Variants in IGF2BP2 observed in about 807,000 individuals in gnomAD.
IGF2BP2 encodes insulin-like growth factor 2 mRNA-binding protein 2.
In IGF2BP2, 17 loss-of-function variants were observed where a neutral mutation model predicts 75.8. That is an observed-to-expected ratio of 0.22 (90% CI 0.15 to 0.34). The LOEUF (loss-of-function observed/expected upper bound fraction) is 0.34, where lower values mean the gene tolerates loss of function less well. Ranked by LOEUF, IGF2BP2 falls within the 10% of genes least tolerant of loss-of-function variation. IGF2BP2 has a pLI of 1.00. For synonymous variants in IGF2BP2, 288 were observed against 295.6 expected (o/e 0.97, Z 0.26); for missense variants, 516 against 772.4 (o/e 0.67, Z 3.93).
chr3:185,801,035 A>T (rs1738181739), intron 2 of IGF2BP2, among the ~76,000 whole-genome samples: 2 of 152,216 alleles, frequency 1.3e-5, no homozygotes, highest in Admixed American at 1.3e-4. Context: ...AACTCCATAA[A>T]AGAGTGGGTG....
intron 2 of IGF2BP2, among the ~76,000 whole-genome samples, chr3:185,719,820 C>T (rs553636283): frequency 2.3e-4 from 35 of 151,148 alleles, no homozygotes; most frequent in Middle Eastern, 3.4e-3. Context: ...GGTGACAGAG[C>T]GAGACTCTGT....
chr3:185,667,082 G>A (rs1282109852), intron 10 of IGF2BP2, among the ~76,000 whole-genome samples: 1 of 152,146 alleles, frequency 6.6e-6, no homozygotes, highest in Non-Finnish European at 1.5e-5. Context: ...AGGGAATAGA[G>A]GCCAGAAATT....
intron 2 of IGF2BP2, among the ~76,000 whole-genome samples, chr3:185,765,554 A>C (rs1732922658): frequency 6.6e-6 from 1 of 152,042 alleles, no homozygotes; most frequent in Admixed American, 6.6e-5. Flanking sequence ...CAGTGTACCT[A>C]CATCACACTC....
At chr3:185,674,254 T>C (rs981795547) in intron 9 of IGF2BP2, among the ~76,000 whole-genome samples, 3 of 152,150 alleles carry the variant, frequency 2.0e-5, no homozygotes, top group Non-Finnish European at 4.4e-5. Flanking sequence ...AAAGTGGATG[T>C]GGATGAGGGT....
intron 2 of IGF2BP2, among the ~76,000 whole-genome samples, chr3:185,775,999 T>C (rs2149779524): frequency 6.6e-6 from 1 of 152,324 alleles, no homozygotes; most frequent in Non-Finnish European, 1.5e-5. Flanking sequence ...ATCCCAGCAC[T>C]TTGGGTGGCC....
In IGF2BP2 at chr3:185,675,770, TA is replaced by T. The variant is rs770760470; in HGVS notation, c.935+20del. 6.2e-7 allele frequency: 1 copy of T among 1,610,836 alleles called. No individual in the cohort carries two copies. Among genetic ancestry groups the T allele is most frequent in the African/African-American group, 1.3e-5 (1 of 74,808 alleles). ...CAGGTGTTCCATTATTGGGCATGAG[TA>T]ATCTGAGTAAGTGGCTTACGATGAG... On this transcript the variant is annotated intron_variant, in intron 8 of 15. Coordinates refer to ENST00000382199, the MANE Select transcript of IGF2BP2 (RefSeq NM_006548.6).
intron 2 of IGF2BP2, among the ~76,000 whole-genome samples, chr3:185,778,879 T>C (rs1471621497): frequency 6.6e-6 from 1 of 152,168 alleles, no homozygotes; most frequent in Non-Finnish European, 1.5e-5. Flanking sequence ...CTCAAAACCT[T>C]ACATAACAGT....
chr3:185,696,348 G>A (rs1722576405), intron 4 of IGF2BP2: 1 of 422,056 alleles, frequency 2.4e-6, no homozygotes, highest in South Asian at 5.0e-5. Flanking sequence ...GTTTGTCAGT[G>A]CTTGAGCACA....
At chr3:185,658,250 C>T (rs772320677) in intron 11 of IGF2BP2, 91 bp downstream of exon 11, 3 of 1,209,090 alleles carry the variant, frequency 2.5e-6, no homozygotes, top group Non-Finnish European at 3.7e-6. Context: ...GAGACAAGAT[C>T]TGCATTGTGA....
At chr3:185,688,534 G>T (rs1344147428) in intron 6 of IGF2BP2, among the ~76,000 whole-genome samples, 3 of 152,092 alleles carry the variant, frequency 2.0e-5, no homozygotes. Context: ...GTAGAGACAG[G>T]GTTTCACCAT....
In IGF2BP2 at chr3:185,647,961, T is replaced by G. The variant is rs1185544795; in HGVS notation, c.1594-823A>C. ...AAACAGGACACCCAGGGGCTCAGGA[T>G]TCTACTCCCTGCTGATCCATCTGCT... On this transcript the variant is annotated intron_variant, in intron 14 of 15. Transcript: ENST00000382199. The surrounding 1 kb of genome is among the most constrained non-coding windows in gnomAD (Gnocchi z 4.9). 6.6e-6 allele frequency among the ~76,000 whole-genome samples: 1 copy of G among 152,222 alleles called. No homozygotes were observed.
At chr3:185,748,784 G>A (rs1371794606) in intron 2 of IGF2BP2, among the ~76,000 whole-genome samples, 1 of 152,142 alleles carries the variant, frequency 6.6e-6, no homozygotes, top group Non-Finnish European at 1.5e-5. Context: ...CAATGCCATT[G>A]ATAACCTCAG....
At chr3:185,715,364 G>A (rs919712073) in intron 2 of IGF2BP2, among the ~76,000 whole-genome samples, 2 of 152,138 alleles carry the variant, frequency 1.3e-5, no homozygotes, top group Admixed American at 6.5e-5. Context: ...GTTAAACCAC[G>A]AGGGTGATAA....
At position 185,645,701 on chromosome 3, in the gene IGF2BP2, GC is replaced by G; in HGVS notation, c.1708-79del. 6 of 1,041,556 alleles carry G rather than the reference GC, an allele frequency of 5.8e-6. No individual in the cohort carries two copies. The highest frequency in any genetic ancestry group is 3.6e-5 in the Admixed American group (2 of 56,300). 64.5% of individuals were successfully genotyped at this position (1,041,556 alleles called of 1,614,324 possible). A position where few individuals can be genotyped will look rare whatever the true frequency, so the allele number is the denominator to read the frequency against. The stretch of plus-strand genomic sequence containing the variant: ...GTTCTGAGGACAAACGGCAGGGGAG[GC>G]TCTGGGGCTTGGGGATGAAGGGTGG... On this transcript the variant is annotated intron_variant, in intron 15 of 15. Coordinates refer to ENST00000382199, the MANE Select transcript of IGF2BP2 (RefSeq NM_006548.6). This position sits in a 1 kb window ranked among gnomAD's most constrained non-coding sequence, Gnocchi z 4.9.
At chr3:185,665,011 G>A (rs903871174) in intron 10 of IGF2BP2, among the ~76,000 whole-genome samples, 4 of 151,692 alleles carry the variant, frequency 2.6e-5, no homozygotes, top group East Asian at 1.9e-4. Flanking sequence ...TACCGGGGGG[G>A]AAAAACAGAC....
chr3:185,697,090 C>G (rs924999970), intron 3 of IGF2BP2, among the ~76,000 whole-genome samples: 2 of 149,262 alleles, frequency 1.3e-5, no homozygotes, highest in Non-Finnish European at 3.0e-5. Flanking sequence ...CCATAATAAT[C>G]AGGTTTTTTG....
At chr3:185,813,145 C>A (rs1338229415) in intron 2 of IGF2BP2, among the ~76,000 whole-genome samples, 1 of 152,202 alleles carries the variant, frequency 6.6e-6, no homozygotes, top group African/African-American at 2.4e-5. Context: ...GACTTACCTA[C>A]TTTACAAATC....
intron 2 of IGF2BP2, among the ~76,000 whole-genome samples, chr3:185,788,740 T>TA (rs1736228619): frequency 7.7e-6 from 1 of 130,036 alleles, no homozygotes; most frequent in Admixed American, 8.0e-5. Flanking sequence ...TTTTTTTTGA[T>TA]AGAGTCTCAC....
chr3:185,689,696 C>T (rs1721659213), intron 5 of IGF2BP2, 69 bp from the exon 6 acceptor site: 13 of 1,580,596 alleles, frequency 8.2e-6, no homozygotes, highest in Non-Finnish European at 1.1e-5. Context: ...CGGCCGGGCG[C>T]GGTGGCTCAC....
Sources: gnomAD v4.1 joint callset for allele counts (sites outside exome capture counted in the v4.1 genomes callset) on GRCh38, gnomAD v4.1.1 for gene constraint, Gnocchi (gnomAD v3.1) non-coding constraint, MANE v1.5 for transcripts, NCBI Gene and HGNC (gene_info 2026-07-23, HGNC 2026-07-21) for gene names.